SHMT1: variants seen among roughly 807,000 people sequenced by gnomAD.
SHMT1 encodes the protein serine hydroxymethyltransferase 1.
A neutral mutation model predicts 49.0 loss-of-function variants in SHMT1; 45 were observed. The observed-to-expected ratio is 0.92, with a 90% CI of 0.72 to 1.18. SHMT1 has a LOEUF of 1.18. Ranked by LOEUF, SHMT1 falls within the 50% of genes most tolerant of loss-of-function variation. The pLI, the probability that SHMT1 is intolerant of heterozygous loss-of-function variation, is 0.00. For synonymous variants in SHMT1, 232 were observed against 246.6 expected, an observed-to-expected ratio of 0.94 and a Z score of 0.55; for missense variants, 541 against 612.4, an observed-to-expected ratio of 0.88 and a Z score of 1.23.
intron 5 of SHMT1, among the ~76,000 whole-genome samples, chr17:18,347,088 C>T (rs999138942): frequency 2.6e-5 from 4 of 152,224 alleles, no homozygotes; most frequent in African/African-American, 9.6e-5. Context: ...CTACTGCATC[C>T]TTGTGCTGCT....
At chr17:18,333,056 A>G in intron 9 of SHMT1, 110 bp downstream of exon 9, 1 of 1,392,358 alleles carries the variant, frequency 7.2e-7, no homozygotes, top group South Asian at 1.2e-5. Context: ...TGGGCCCATC[A>G]TTGCAGCTGC....
intron 7 of SHMT1, among the ~76,000 whole-genome samples, chr17:18,338,599 G>A (rs1259384030): frequency 6.6e-6 from 1 of 152,238 alleles, no homozygotes; most frequent in Non-Finnish European, 1.5e-5. Context: ...GATGACGATG[G>A]CGGTTTTGTC....
At chr17:18,339,328 T>A (rs1048040983) in intron 7 of SHMT1, among the ~76,000 whole-genome samples, 1 of 152,176 alleles carries the variant, frequency 6.6e-6, no homozygotes. Context: ...TTGAGAAACA[T>A]GATGGATCAC....
intron 7 of SHMT1, among the ~76,000 whole-genome samples, chr17:18,337,912 C>T (rs1468446110): frequency 4.6e-5 from 7 of 152,010 alleles, no homozygotes; most frequent in African/African-American, 1.7e-4. Flanking sequence ...GGTGTGATCT[C>T]GGCTCGCTAC....
chr17:18,350,295 C>T (rs911585928), intron 3 of SHMT1, among the ~76,000 whole-genome samples: 5 of 151,990 alleles, frequency 3.3e-5, no homozygotes, highest in Admixed American at 1.3e-4. Context: ...CGTGCCACTG[C>T]GCTCCAGCCT....
Position 18,335,561 on chromosome 17 carries a change from G to C in SHMT1, c.929C>G (p.Ala310Gly), listed in dbSNP as rs1567772582. The C allele has an allele frequency of 1.3e-6, 2 of 1,598,804 alleles. No homozygotes were observed. Among genetic ancestry groups the C allele is most frequent in the East Asian group, 4.5e-5 (2 of 44,800 alleles). The change falls in exon 8 of 12, where the codon GCT becomes GGT. Residue 310 changes from alanine to glycine, a missense_variant and splice_region_variant. By Grantham distance (60) the Ala-to-Gly change is moderately conservative. Transcript: ENST00000316694. Reference sequence around the variant, plus strand: ...AGCAGAGGCAGATGATGTTTTACCAGCAATGGCGTGGTTGTGGGGACCTCC... The same window carrying C: ...AGCAGAGGCAGATGATGTTTTACCACCAATGGCGTGGTTGTGGGGACCTCC... ...LQGGPHNHAIAGVAVALKQAM... is the reference protein window; with the variant it reads ...LQGGPHNHAIGGVAVALKQAM...
In SHMT1 at chr17:18,348,431, G is replaced by A. The variant is rs746171771; in HGVS notation, c.252C>T (p.Gly84=). The change falls in exon 4 of 12, where the codon GGC becomes GGT. Residue 84 remains glycine (G), a synonymous_variant. Transcript: ENST00000316694. ...SEGYPGQRYY[G]GTEFIDELET... The stretch of plus-strand genomic sequence containing the variant: ...CCAGTTCATCAATAAACTCAGTCCC[G>A]CCATAGTATCTGTGGGAGAAGAGCA... The A allele has an allele frequency of 2.0e-5, 32 of 1,610,098 alleles. No homozygotes were observed. The highest frequency in any genetic ancestry group is 2.2e-5 in the East Asian group (1 of 44,846).
At chr17:18,335,240 G>T (rs888049768) in intron 8 of SHMT1, among the ~76,000 whole-genome samples, 1 of 152,300 alleles carries the variant, frequency 6.6e-6, no homozygotes, top group Admixed American at 6.5e-5. Flanking sequence ...GCAGGGTCTG[G>T]ACCCCAATCT....
chr17:18,337,968 G>C (rs940113822), intron 7 of SHMT1, among the ~76,000 whole-genome samples: 6 of 152,010 alleles, frequency 3.9e-5, no homozygotes, highest in African/African-American at 1.5e-4. Flanking sequence ...AAAGTGCCGA[G>C]ATTGCAGCCT....
Position 18,359,761 on chromosome 17 carries a change from C to T in SHMT1, c.-20+3611G>A, listed in dbSNP as rs559540741. ...AGGAAATCAAGACTGTCCTGGCCAACATGGTGAAACCCCATCTCCACTAAA... is the reference window on the plus strand; with the variant it reads ...AGGAAATCAAGACTGTCCTGGCCAATATGGTGAAACCCCATCTCCACTAAA... On this transcript the variant is annotated intron_variant, in intron 1 of 11. Coordinates refer to ENST00000316694, the MANE Select transcript of SHMT1 (RefSeq NM_004169.5). Among the ~76,000 whole-genome samples, 5 of 150,478 alleles carry T rather than the reference C, an allele frequency of 3.3e-5. No individual in the cohort carries two copies. The East Asian group carries it at 7.9e-4, about 24-fold the overall frequency.
Position 18,347,499 on chromosome 17 carries a change from G to C in SHMT1, c.516C>G (p.Tyr172Ter). 1.2e-6 allele frequency: 2 copies of C among 1,614,072 alleles called. No individual in the cohort carries two copies. Among genetic ancestry groups the C allele is most frequent in the Non-Finnish European group, 1.7e-6 (2 of 1,179,998 alleles). Reference protein sequence around the residue: ...ATSIFFESMPYKVNPDTGYIN... With the variant: ...ATSIFFESMP Reference sequence around the variant, plus strand: ...TAGGAGAGAAACACATGCTTACCTTGTAGGGCATAGATTCAAAGAAGATGG... The same window carrying C: ...TAGGAGAGAAACACATGCTTACCTTCTAGGGCATAGATTCAAAGAAGATGG... Residue 172 changes from tyrosine (Y) to a stop codon, truncating the protein, a stop_gained, in exon 5 of 12, where the codon TAC becomes TAG. Transcript: ENST00000316694. LOFTEE classifies it high-confidence loss of function.
chr17:18,356,142 T>C, intron 1 of SHMT1, 142 bp from the exon 2 acceptor site: 1 of 447,498 alleles, frequency 2.2e-6, no homozygotes, highest in Non-Finnish European at 4.0e-6. Flanking sequence ...AACCTCCGTC[T>C]CCCAGGTTCA....
intron 9 of SHMT1, chr17:18,331,725 GC>G (rs1983231243): frequency 6.6e-6 from 1 of 152,228 alleles, no homozygotes; most frequent in South Asian, 2.1e-4. Context: ...TGCACCAACA[GC>G]CCCAGGGGTG....
rs147737144 is a variant in SHMT1 at position 18,359,575 on chromosome 17, C to T, written c.-19-3575G>A. 5.9e-3 allele frequency among the ~76,000 whole-genome samples: 893 copies of T among 151,956 alleles called. 10 individuals are homozygous for T. The highest frequency in any genetic ancestry group is 0.019 in the African/African-American group (803 of 41,434). ...CCTGAGGCATGAGACTTACTTGAGCCTCAGAGGTGGAGGCTGCAGTGAGCC... is the reference window on the plus strand; with the variant it reads ...CCTGAGGCATGAGACTTACTTGAGCTTCAGAGGTGGAGGCTGCAGTGAGCC... On this transcript the variant is annotated intron_variant, in intron 1 of 11. Coordinates refer to ENST00000316694, the MANE Select transcript of SHMT1 (RefSeq NM_004169.5).
intron 10 of SHMT1, among the ~76,000 whole-genome samples, chr17:18,330,348 C>T (rs1270701318): frequency 3.9e-5 from 6 of 152,010 alleles, no homozygotes; most frequent in African/African-American, 1.5e-4. Flanking sequence ...TTTGGCCAGG[C>T]TGGTCTCGAA....
chr17:18,344,822 T>C (rs1250655238), intron 5 of SHMT1, among the ~76,000 whole-genome samples: 1 of 152,148 alleles, frequency 6.6e-6, no homozygotes, highest in African/African-American at 2.4e-5. Flanking sequence ...ACAGTGGGGA[T>C]GGGCCAAAAA....
intron 5 of SHMT1, among the ~76,000 whole-genome samples, 187 bp downstream of exon 5, chr17:18,347,309 G>A (rs894246244): frequency 5.9e-5 from 9 of 152,138 alleles, no homozygotes; most frequent in African/African-American, 2.2e-4. Context: ...TCAGACCCTC[G>A]TCTCTCCATC....
At chr17:18,338,083 T>G in intron 7 of SHMT1, among the ~76,000 whole-genome samples, 1 of 148,488 alleles carries the variant, frequency 6.7e-6, no homozygotes. Flanking sequence ...GTCTGGGAAG[T>G]GAGGAGCGCC....
chr17:18,341,153 G>GA (rs140209629), intron 5 of SHMT1: 40,042 of 355,230 alleles, frequency 0.11, 2,656 homozygotes, highest in South Asian at 0.18. Flanking sequence ...AGACCAAAAT[G>GA]CCTGCTAATA....
Sources: gnomAD v4.1 joint callset for allele counts (sites outside exome capture counted in the v4.1 genomes callset) on GRCh38, gnomAD v4.1.1 for gene constraint, MANE v1.5 for transcripts, NCBI Gene and HGNC (gene_info 2026-07-23, HGNC 2026-07-21) for gene names.